Variants in FOXP2 observed in about 807,000 individuals in gnomAD.
FOXP2 encodes forkhead box protein P2.
In FOXP2, 12 loss-of-function variants were observed where a neutral mutation model predicts 115.8. The ratio of observed to expected loss-of-function variants is 0.10; its 90% CI spans 0.07 to 0.17. The LOEUF (loss-of-function observed/expected upper bound fraction) is 0.17. FOXP2 is among the 10% of genes least tolerant of loss of function. FOXP2 has a pLI of 1.00. For synonymous variants in FOXP2, 328 were observed against 297.7 expected (o/e 1.10, Z -1.05); for missense variants, 629 against 843.5 (o/e 0.75, Z 3.15).
chr7:114,604,335 G>A (rs1339971126), intron 3 of FOXP2, among the ~76,000 whole-genome samples: 1 of 152,156 alleles, frequency 6.6e-6, no homozygotes, highest in Non-Finnish European at 1.5e-5. Flanking sequence ...CATCACATTG[G>A]AGGTTAAGAT....
chr7:114,322,433 T>C (rs1207259090), intron 2 of FOXP2, among the ~76,000 whole-genome samples: 1 of 152,004 alleles, frequency 6.6e-6, no homozygotes, highest in African/African-American at 2.4e-5. Flanking sequence ...GGAGGACTGC[T>C]TGAGGCCAGC....
upstream of FOXP2, among the ~76,000 whole-genome samples, chr7:114,412,014 G>A (rs1020661840): frequency 7.9e-5 from 12 of 152,178 alleles, no homozygotes; most frequent in Non-Finnish European, 1.5e-4. Flanking sequence ...ACAAACTCAG[G>A]TGTCATAGTA....
At chr7:114,615,362 A>G (rs1803880336) in intron 3 of FOXP2, among the ~76,000 whole-genome samples, 1 of 152,152 alleles carries the variant, frequency 6.6e-6, no homozygotes. Flanking sequence ...CTTCCTCCTC[A>G]TAAATCTACA....
chr7:114,470,886 G>T (rs1796015011), intron 2 of FOXP2, among the ~76,000 whole-genome samples: 1 of 151,828 alleles, frequency 6.6e-6, no homozygotes, highest in Non-Finnish European at 1.5e-5. Flanking sequence ...CCTTAAACTG[G>T]ACCTGAAGTT....
At chr7:114,629,474 C>A (rs1584968810) in intron 4 of FOXP2, 4 of 848,658 alleles carry the variant, frequency 4.7e-6, no homozygotes, top group African/African-American at 3.4e-5. Flanking sequence ...TTTATTCTTA[C>A]AACTGGTAGA....
Position 114,184,887 on chromosome 7 carries a change from T to A in FOXP2, c.-102+21799T>A, listed in dbSNP as rs556978783. Among the ~76,000 whole-genome samples, 4 of 152,268 alleles carry A rather than the reference T, an allele frequency of 2.6e-5. No homozygotes were observed. In the East Asian group the frequency reaches 7.7e-4, roughly 29 times the overall value. On this transcript the variant is annotated intron_variant, in intron 1 of 17. Coordinates refer to the FOXP2 transcript ENST00000634411. ...TGAGAGCAATGAATAACAAGGAAAT[T>A]CAATAACTTTCTAAAATCTCATAGC...
chr7:114,135,995 C>T (rs868838552), intron 1 of FOXP2, among the ~76,000 whole-genome samples: 12 of 151,934 alleles, frequency 7.9e-5, no homozygotes, highest in African/African-American at 2.2e-4. Context: ...GTTCCTTCCC[C>T]GCTTTTTCTT....
At chr7:114,500,887 A>G (rs1797539082) in intron 2 of FOXP2, among the ~76,000 whole-genome samples, 1 of 152,156 alleles carries the variant, frequency 6.6e-6, no homozygotes, top group Admixed American at 6.5e-5. Context: ...AATTGTGCCT[A>G]TCTGTTCTTG....
rs79718889 is a variant in FOXP2, at chr7:114,651,209, T to C, written c.1095-994T>C. On this transcript the variant is annotated intron_variant, in intron 8 of 16. Coordinates refer to ENST00000350908, the MANE Select transcript of FOXP2 (RefSeq NM_014491.4). Reference sequence around the variant, plus strand: ...CCACTTGGGTAAATATATAAATTCTTATTTAATTTTGTGAATTTCTTTTCA... The same window carrying C: ...CCACTTGGGTAAATATATAAATTCTCATTTAATTTTGTGAATTTCTTTTCA... Among the ~76,000 whole-genome samples the C allele has an allele frequency of 2.0e-3, 307 of 152,216 alleles. 1 individual carries two copies. The highest frequency in any genetic ancestry group is 7.1e-3 in the African/African-American group (295 of 41,566).
chr7:114,482,190 A>C (rs1796588564), intron 2 of FOXP2, among the ~76,000 whole-genome samples: 1 of 151,426 alleles, frequency 6.6e-6, no homozygotes, highest in Non-Finnish European at 1.5e-5. Flanking sequence ...TGCATGCTTG[A>C]ACTAGTGATT....
At chr7:114,329,716 G>T (rs1037320863) in intron 2 of FOXP2, among the ~76,000 whole-genome samples, 3 of 150,696 alleles carry the variant, frequency 2.0e-5, no homozygotes, top group Non-Finnish European at 3.0e-5. Flanking sequence ...TTGCTCTGTT[G>T]CCCAGGCTGG....
At chr7:114,575,244 G>A (rs753774941) in intron 3 of FOXP2, among the ~76,000 whole-genome samples, 1 of 151,668 alleles carries the variant, frequency 6.6e-6, no homozygotes, top group South Asian at 2.1e-4. Context: ...AGGTGGTAAC[G>A]GGAATTAAAT....
chr7:114,511,378 C>T (rs1354451726), intron 2 of FOXP2, among the ~76,000 whole-genome samples: 1 of 151,936 alleles, frequency 6.6e-6, no homozygotes, highest in Non-Finnish European at 1.5e-5. Flanking sequence ...AAAGTATCTA[C>T]TGACATTTCT....
chr7:114,316,459 T>C (rs139204934), intron 2 of FOXP2, among the ~76,000 whole-genome samples: 1 of 152,204 alleles, frequency 6.6e-6, no homozygotes, highest in Non-Finnish European at 1.5e-5. Flanking sequence ...CTTTCATTGA[T>C]GATACAGTAT....
At chr7:114,208,497 G>C (rs1487878615) in intron 1 of FOXP2, among the ~76,000 whole-genome samples, 1 of 152,158 alleles carries the variant, frequency 6.6e-6, no homozygotes, top group Non-Finnish European at 1.5e-5. Context: ...GCTGAAATGA[G>C]TTAAGACTTT....
At chr7:114,373,168 T>TTTGC (rs1792055857) in intron 2 of FOXP2, among the ~76,000 whole-genome samples, 1 of 152,002 alleles carries the variant, frequency 6.6e-6, no homozygotes. Flanking sequence ...AATTTTTTTG[T>TTTGC]TTGTTTGTTT....
chr7:114,229,167 T>G (rs1406379498), intron 1 of FOXP2, among the ~76,000 whole-genome samples: 1 of 151,066 alleles, frequency 6.6e-6, no homozygotes, highest in African/African-American at 2.4e-5. Flanking sequence ...CTTTATATAA[T>G]GATAAAAGAG....
intron 16 of FOXP2, among the ~76,000 whole-genome samples, chr7:114,680,178 T>C (rs1413605300): frequency 6.6e-6 from 1 of 152,182 alleles, no homozygotes; most frequent in Non-Finnish European, 1.5e-5. Flanking sequence ...CAAATGTAAA[T>C]TAAATTAAAT....
rs989058240 is a variant in FOXP2, at chr7:114,692,865, C to T, written c.*2939C>T. ...AGGTAAACTAATTTTTGATACTTTT[C>T]ATTACTGTGTACTATGTTCATACTT... On this transcript the variant is annotated 3_prime_UTR_variant, in exon 17 of 17. Transcript: ENST00000350908. The T allele has an allele frequency of 2.2e-6, 1 of 453,020 alleles. No homozygotes were observed. The highest frequency in any genetic ancestry group is 2.0e-5 in the African/African-American group (1 of 50,000). 28.1% of individuals were successfully genotyped at this position (453,020 alleles called of 1,614,324 possible).
Sources: allele counts gnomAD v4.1 joint callset (sites outside exome capture counted in the v4.1 genomes callset), GRCh38; gene constraint gnomAD v4.1.1; transcripts MANE v1.5; gene names NCBI Gene and HGNC (gene_info 2026-07-23, HGNC 2026-07-21).